ROR1: variants seen among roughly 807,000 people sequenced by gnomAD.
ROR1 encodes ROR family WNT receptor 1, also known as inactive tyrosine-protein kinase transmembrane receptor ROR1.
A neutral mutation model predicts 78.8 loss-of-function variants in ROR1; 19 were observed. That is an observed-to-expected ratio of 0.24 (90% CI 0.17 to 0.35). ROR1 has a LOEUF of 0.35. Among genes scored for constraint, ROR1 ranks in the 10% least tolerant of loss-of-function variants. The pLI is 1.00. For missense variants in ROR1, 917 were observed against 1,177.8 expected, an observed-to-expected ratio of 0.78 and a Z score of 3.24; for synonymous variants, 386 against 433.6, an observed-to-expected ratio of 0.89 and a Z score of 1.36.
At chr1:63,953,831 A>G (rs1345250810) in intron 1 of ROR1, among the ~76,000 whole-genome samples, 1 of 152,202 alleles carries the variant, frequency 6.6e-6, no homozygotes, top group African/African-American at 2.4e-5. Context: ...GTCCTGAAGG[A>G]TAAGATGATA....
chr1:63,904,764 C>G (rs547916142), intron 1 of ROR1, among the ~76,000 whole-genome samples: 10 of 151,994 alleles, frequency 6.6e-5, no homozygotes, highest in African/African-American at 2.4e-4. Context: ...AGTGAAGATG[C>G]GAGGAGAGGA....
chr1:63,833,910 G>T (rs1347253876), intron 1 of ROR1, among the ~76,000 whole-genome samples: 2 of 151,306 alleles, frequency 1.3e-5, no homozygotes. Context: ...AATATTTATG[G>T]CTTCTGGCAT....
At chr1:64,129,058 G>A (rs1196143398) in intron 4 of ROR1, among the ~76,000 whole-genome samples, 3 of 152,150 alleles carry the variant, frequency 2.0e-5, no homozygotes, top group Non-Finnish European at 4.4e-5. Context: ...TTGCCTTTGG[G>A]TGGGTGCTGG....
chr1:63,804,143 G>A (rs1241726053), intron 1 of ROR1, among the ~76,000 whole-genome samples: 2 of 152,108 alleles, frequency 1.3e-5, no homozygotes, highest in African/African-American at 4.8e-5. Context: ...CCTGGGAGGG[G>A]GATGGCTGTG....
intron 1 of ROR1, among the ~76,000 whole-genome samples, chr1:63,794,735 G>A (rs899744375): frequency 3.3e-5 from 5 of 152,226 alleles, no homozygotes; most frequent in Admixed American, 3.3e-4. Flanking sequence ...GGAGGAAGCA[G>A]CGAGCAAGAA....
At position 63,774,326 on chromosome 1, in the gene ROR1, G is replaced by T; in HGVS notation, c.-92G>T. The stretch of plus-strand genomic sequence containing the variant: ...CGGCGTCCTGCGAGCGCCAGCGGCC[G>T]GGACGAGGCGGCCGGGAGCCCGGGA... On this transcript the variant is annotated 5_prime_UTR_variant, in exon 1 of 9. Coordinates refer to ENST00000371079, the MANE Select transcript of ROR1 (RefSeq NM_005012.4). The surrounding 1 kb of genome is among the most constrained non-coding windows in gnomAD (Gnocchi z 5.7). 1.3e-6 allele frequency: 1 copy of T among 790,482 alleles called. No homozygotes were observed. The allele number at this position is 790,482 out of a possible 1,614,324, so 49.0% of individuals were successfully genotyped here.
chr1:64,089,971 A>G (rs1255961987), intron 4 of ROR1, among the ~76,000 whole-genome samples: 2 of 152,086 alleles, frequency 1.3e-5, no homozygotes, highest in African/African-American at 4.8e-5. Context: ...TTTGCCTGCC[A>G]CCATGTAAGA....
At chr1:64,156,197 C>T (rs1649764603) in intron 7 of ROR1, among the ~76,000 whole-genome samples, 1 of 152,206 alleles carries the variant, frequency 6.6e-6, no homozygotes, top group African/African-American at 2.4e-5. Context: ...GTATTACTCC[C>T]ATTTTACAGA....
chr1:64,137,315 G>C (rs1649146157), intron 4 of ROR1, 54 bp from the exon 5 acceptor site: 2 of 1,603,898 alleles, frequency 1.2e-6, no homozygotes. Flanking sequence ...AGAGCTTGCT[G>C]TGCCCTGTAT....
intron 1 of ROR1, among the ~76,000 whole-genome samples, chr1:63,888,999 G>T (rs1217805742): frequency 6.6e-6 from 1 of 152,104 alleles, no homozygotes; most frequent in Non-Finnish European, 1.5e-5. Context: ...TGAGATTGCC[G>T]TCATGCTGTC....
At chr1:63,836,485 C>T (rs1286434116) in intron 1 of ROR1, among the ~76,000 whole-genome samples, 1 of 152,130 alleles carries the variant, frequency 6.6e-6, no homozygotes, top group African/African-American at 2.4e-5. Flanking sequence ...CTTAAGATTT[C>T]ATAATTAGCA....
At chr1:63,982,322 G>A (rs1646216782) in intron 1 of ROR1, among the ~76,000 whole-genome samples, 1 of 152,222 alleles carries the variant, frequency 6.6e-6, no homozygotes. Flanking sequence ...CAAGCCTGCG[G>A]TGAGGATCAA....
chr1:64,030,187 A>G (rs149211576), intron 2 of ROR1, among the ~76,000 whole-genome samples: 442 of 152,274 alleles, frequency 2.9e-3, no homozygotes, highest in Non-Finnish European at 4.1e-3. Flanking sequence ...CATTAGCTCT[A>G]AAGAATGATG....
At chr1:63,896,536 A>G (rs1645441303) in intron 1 of ROR1, among the ~76,000 whole-genome samples, 1 of 152,228 alleles carries the variant, frequency 6.6e-6, no homozygotes, top group South Asian at 2.1e-4. Flanking sequence ...TGGACTTAAC[A>G]GTTCCTTTCT....
intron 1 of ROR1, among the ~76,000 whole-genome samples, chr1:63,860,592 C>T (rs931971294): frequency 4.7e-5 from 7 of 147,452 alleles, no homozygotes; most frequent in Non-Finnish European, 7.7e-5. Context: ...CACACACACA[C>T]ACACACACAC....
chr1:64,114,354 G>A (rs867017094), intron 4 of ROR1, among the ~76,000 whole-genome samples: 4 of 152,258 alleles, frequency 2.6e-5, no homozygotes, highest in Middle Eastern at 3.4e-3. Flanking sequence ...ATGTTGAGAA[G>A]CAAAAGCTCA....
chr1:63,825,482 C>T lies in ROR1; in HGVS notation c.91+50974C>T, dbSNP rs151144375. ...TTACATTTCTAGAAAAGGCAAAAAA[C>T]TAGAGACAGAAAGCAGATCAGTGTT... On this transcript the variant is annotated intron_variant, in intron 1 of 8. Transcript: ENST00000371079. Among the ~76,000 whole-genome samples the T allele has an allele frequency of 2.9e-3, 443 of 152,248 alleles. 1 individual carries two copies. Among genetic ancestry groups the T allele is most frequent in the Non-Finnish European group, 5.0e-3 (339 of 68,020 alleles).
chr1:63,995,252 A>G lies in ROR1; in HGVS notation c.92-14053A>G, dbSNP rs866889182. On this transcript the variant is annotated intron_variant, in intron 1 of 8. Coordinates refer to ENST00000371079, the MANE Select transcript of ROR1 (RefSeq NM_005012.4). ...TTCTAATAAGATAATGAAAAAATACATACTGGATTAGGGAATGACAAACTC... is the reference window on the plus strand; with the variant it reads ...TTCTAATAAGATAATGAAAAAATACGTACTGGATTAGGGAATGACAAACTC... Among the ~76,000 whole-genome samples, 4 of 152,190 alleles carry G rather than the reference A, an allele frequency of 2.6e-5. No homozygotes were observed. In the South Asian group the frequency reaches 8.3e-4, roughly 32 times the overall value.
chr1:63,963,323 T>A (rs1339493587), intron 1 of ROR1, among the ~76,000 whole-genome samples: 1 of 150,582 alleles, frequency 6.6e-6, no homozygotes, highest in Non-Finnish European at 1.5e-5. Context: ...ATCCCAACAC[T>A]TTAGGAGGCC....
Sources: gnomAD v4.1 joint callset for allele counts (sites outside exome capture counted in the v4.1 genomes callset) on GRCh38, gnomAD v4.1.1 for gene constraint, Gnocchi (gnomAD v3.1) non-coding constraint, MANE v1.5 for transcripts, NCBI Gene and HGNC (gene_info 2026-07-23, HGNC 2026-07-21) for gene names.